Variants in PTPRS observed in about 807,000 individuals in gnomAD.
PTPRS encodes receptor-type tyrosine-protein phosphatase S.
PTPRS carries 63 observed loss-of-function variants against 215.3 expected under a neutral mutation model. The ratio of observed to expected loss-of-function variants is 0.29; its 90% confidence interval spans 0.24 to 0.36. The LOEUF (loss-of-function observed/expected upper bound fraction) is 0.36. PTPRS is among the 10% of genes least tolerant of loss of function. The pLI, the probability that PTPRS is intolerant of heterozygous loss-of-function variation, is 1.00. For missense variants in PTPRS, 2,258 were observed against 2,825.8 expected, an observed-to-expected ratio of 0.80 and a Z score of 4.56; for synonymous variants, 1,404 against 1,191.4, an observed-to-expected ratio of 1.18 and a Z score of -3.68.
chr19:5,244,561 C>T lies in PTPRS; in HGVS notation c.989-79G>A. 2 of 1,184,082 alleles carry T rather than the reference C, an allele frequency of 1.7e-6. No individual in the cohort carries two copies. The highest frequency in any genetic ancestry group is 2.4e-6 in the Non-Finnish European group (2 of 836,272). The allele number at this position is 1,184,082 out of a possible 1,614,324, so 73.3% of individuals were successfully genotyped here. A position where few individuals can be genotyped will look rare whatever the true frequency, so the allele number is the denominator to read the frequency against. ...GAAGGCTGTGTGACTTTTCACCATT[C>T]AGTCGCCTTCTCTGAGCCTTGATTT... On this transcript the variant is annotated intron_variant, in intron 10 of 37. Transcript: ENST00000262963. The surrounding 1 kb of genome is among the most constrained non-coding windows in gnomAD (Gnocchi z 7.2).
intron 23 of PTPRS, 74 bp from the exon 24 acceptor site, chr19:5,218,872 G>A: frequency 6.8e-7 from 1 of 1,466,998 alleles, no homozygotes; most frequent in Non-Finnish European, 9.3e-7. Context: ...GCCATCAAGG[G>A]CTTGTTCTGT....
In PTPRS at chr19:5,239,078, GAGA is replaced by G. The variant is rs2043745796; in HGVS notation, c.1705-18_1705-16del. On this transcript the variant is annotated splice_polypyrimidine_tract_variant and intron_variant, in intron 12 of 37. Coordinates refer to ENST00000262963, the MANE Select transcript of PTPRS (RefSeq NM_002850.4). ...GTCCTTCCCACCTGGGGGCAGGGCAGAGAAGGACAGAGAGGGATGGGGGAGAGA... is the reference window on the plus strand; with the variant it reads ...GTCCTTCCCACCTGGGGGCAGGGCAGAGGACAGAGAGGGATGGGGGAGAGA... 1 of 1,603,446 alleles carries G rather than the reference GAGA, an allele frequency of 6.2e-7. No homozygotes were observed. The highest frequency in any genetic ancestry group is 8.5e-7 in the Non-Finnish European group (1 of 1,174,010).
chr19:5,257,643 C>T lies in PTPRS; in HGVS notation c.706+374G>A, dbSNP rs960388453. ...GCACGACACACCACAGAAGCCAACTCGGGTGGGCAGGCAGGTGGGGTGGGG... is the reference window on the plus strand; with the variant it reads ...GCACGACACACCACAGAAGCCAACTTGGGTGGGCAGGCAGGTGGGGTGGGG... On this transcript the variant is annotated intron_variant, in intron 8 of 37. Coordinates refer to ENST00000262963, the MANE Select transcript of PTPRS (RefSeq NM_002850.4). The surrounding 1 kb of genome is among the most constrained non-coding windows in gnomAD (Gnocchi z 4.4). Among the ~76,000 whole-genome samples the T allele has an allele frequency of 2.0e-5, 3 of 152,118 alleles. No homozygotes were observed. The highest frequency in any genetic ancestry group is 6.5e-5 in the Admixed American group (1 of 15,284).
At chr19:5,228,367 A>G (rs1451180582) in intron 16 of PTPRS, among the ~76,000 whole-genome samples, 1 of 128,474 alleles carries the variant, frequency 7.8e-6, no homozygotes, top group African/African-American at 2.7e-5. Context: ...AAAAAAAGAG[A>G]CAGGGTCTCC....
intron 7 of PTPRS, 46 bp from the exon 8 acceptor site, chr19:5,258,173 G>A (rs766605037): frequency 6.7e-7 from 1 of 1,498,190 alleles, no homozygotes; most frequent in East Asian, 2.3e-5. Context: ...GGGGGGCCCA[G>A]GAGTGAACAG....
Position 5,206,192 on chromosome 19 carries a change from AGCCAAAGTT to A in PTPRS, c.*573_*581del, listed in dbSNP as rs1435835981. Among the ~76,000 whole-genome samples, 3 of 152,122 alleles carry A rather than the reference AGCCAAAGTT, an allele frequency of 2.0e-5. No homozygotes were observed. The East Asian group carries it at 5.8e-4, about 29-fold the overall frequency. Reference sequence around the variant, plus strand: ...ACTGTCTTTGAACAGAATATGAATAAGCCAAAGTTAGTTCTCTTTGAAAGTCATTGACTG... The same window carrying A: ...ACTGTCTTTGAACAGAATATGAATAAAGTTCTCTTTGAAAGTCATTGACTG... On this transcript the variant is annotated 3_prime_UTR_variant, in exon 38 of 38. Transcript: ENST00000262963.
chr19:5,332,262 C>T (rs1269193997), intron 1 of PTPRS, among the ~76,000 whole-genome samples: 6 of 151,956 alleles, frequency 3.9e-5, no homozygotes, highest in South Asian at 2.1e-4. Context: ...CAAGTAGCTG[C>T]GATTACAGGT....
chr19:5,221,698 A>G (rs1353366823), intron 19 of PTPRS, among the ~76,000 whole-genome samples: 1 of 152,174 alleles, frequency 6.6e-6, no homozygotes, highest in Non-Finnish European at 1.5e-5. Context: ...CCCCGATCCC[A>G]GACTTGGCAC....
intron 1 of PTPRS, among the ~76,000 whole-genome samples, chr19:5,308,765 C>T (rs2049588185): frequency 1.3e-5 from 2 of 152,186 alleles, no homozygotes; most frequent in Admixed American, 6.5e-5. Flanking sequence ...ACAAAAGCCC[C>T]GCAGCCGCCT....
intron 1 of PTPRS, among the ~76,000 whole-genome samples, chr19:5,333,397 C>T (rs1162150360): frequency 6.6e-6 from 1 of 151,730 alleles, no homozygotes; most frequent in African/African-American, 2.4e-5. Flanking sequence ...TCCCCAGCTA[C>T]TTGGGAGGCT....
intron 6 of PTPRS, among the ~76,000 whole-genome samples, chr19:5,262,409 G>A (rs956581393): frequency 9.9e-5 from 15 of 152,210 alleles, no homozygotes; most frequent in Non-Finnish European, 1.6e-4. Context: ...AGCATAGGCT[G>A]ATATCAGTCA....
chr19:5,291,062 G>A (rs1413981357), intron 1 of PTPRS, among the ~76,000 whole-genome samples: 1 of 152,004 alleles, frequency 6.6e-6, no homozygotes. Flanking sequence ...GGGGCTGGGT[G>A]GGGCTGGCCC....
At chr19:5,219,287 G>C (rs777727390) in intron 23 of PTPRS, 23 bp downstream of exon 23, 2 of 1,613,538 alleles carry the variant, frequency 1.2e-6, no homozygotes, top group Non-Finnish European at 1.7e-6. Context: ...GTCAAGTCAA[G>C]TCGGGGAGGA....
rs1345696079 is a variant in PTPRS, at chr19:5,210,907, C to A, written c.5235-102G>T. The stretch of plus-strand genomic sequence containing the variant: ...GTCAGGACCAAGCCAGTGACAGCTA[C>A]ACCTACCACCCCACTGCCTGCCAGG... On this transcript the variant is annotated intron_variant, in intron 33 of 37. Transcript: ENST00000262963. The surrounding 1 kb of genome is among the most constrained non-coding windows in gnomAD (Gnocchi z 4.5). The A allele has an allele frequency of 9.7e-6, 14 of 1,446,846 alleles. No individual in the cohort carries two copies. Among genetic ancestry groups the A allele is most frequent in the Non-Finnish European group, 1.2e-5 (13 of 1,084,782 alleles). 89.6% of individuals were successfully genotyped at this position (1,446,846 alleles called of 1,614,324 possible).
At chr19:5,259,782 A>C (rs1162531074) in intron 7 of PTPRS, among the ~76,000 whole-genome samples, 2 of 152,166 alleles carry the variant, frequency 1.3e-5, no homozygotes, top group African/African-American at 4.8e-5. Flanking sequence ...CTTGTTTGTG[A>C]CTATCCCACA....
chr19:5,208,448 T>TC, intron 35 of PTPRS, 57 bp from the exon 36 acceptor site: 21 of 1,403,868 alleles, frequency 1.5e-5, no homozygotes, highest in Non-Finnish European at 2.0e-5. Context: ...TGGGGGTTTT[T>TC]CTCCATCCTC....
rs369098162 is a variant in PTPRS at position 5,215,515 on chromosome 19, G to A, written c.4177C>T (p.Leu1393Phe). 6.2e-6 allele frequency: 10 copies of A among 1,611,938 alleles called. No individual in the cohort carries two copies. The highest frequency in any genetic ancestry group is 3.3e-5 in the South Asian group (3 of 90,964). Residue 1393 changes from leucine to phenylalanine, a missense_variant, in exon 27 of 38, where the codon CTC becomes TTC. Transcript: ENST00000262963. ...GGGCTCACCTCATACTCCTGGGAGAGCTTGAGGCTGTCGTTGGCCTTGAGC... is the reference window on the plus strand; with the variant it reads ...GGGCTCACCTCATACTCCTGGGAGAACTTGAGGCTGTCGTTGGCCTTGAGC... Reference protein sequence around the residue: ...ERLKANDSLKLSQEYESIDPG... With the variant: ...ERLKANDSLKFSQEYESIDPG...
chr19:5,285,921 A>G (rs2048314581), intron 2 of PTPRS, 129 bp downstream of exon 2: 2 of 734,810 alleles, frequency 2.7e-6, no homozygotes, highest in Admixed American at 5.5e-5. Flanking sequence ...TGTGGAGCAT[A>G]AAAGTTCCAT....
chr19:5,271,953 T>C (rs1042563373), intron 4 of PTPRS, among the ~76,000 whole-genome samples: 5 of 151,508 alleles, frequency 3.3e-5, no homozygotes, highest in Non-Finnish European at 5.9e-5. Context: ...TTGAACTCCT[T>C]GACCTCAGGT....
Sources: gnomAD v4.1 joint callset for allele counts (sites outside exome capture counted in the v4.1 genomes callset) on GRCh38, gnomAD v4.1.1 for gene constraint, Gnocchi (gnomAD v3.1) non-coding constraint, MANE v1.5 for transcripts, NCBI Gene and HGNC (gene_info 2026-07-23, HGNC 2026-07-21) for gene names.